The following RBM34 variants were observed in gnomAD, a reference collection of about 807,000 sequenced individuals.
RBM34 encodes RNA-binding protein 34.
A neutral mutation model predicts 44.6 loss-of-function variants in RBM34; 39 were observed. The ratio of observed to expected loss-of-function variants is 0.87; its 90% CI spans 0.68 to 1.14. The LOEUF (loss-of-function observed/expected upper bound fraction) is 1.14. Among genes scored for constraint, RBM34 ranks in the 50% most tolerant of loss-of-function variants. The probability of loss-of-function intolerance (pLI) is 0.00; values close to 1 mark genes in which losing one functional copy is unlikely to be tolerated. For missense variants in RBM34, 572 were observed against 517.9 expected (o/e 1.10, Z -1.01); for synonymous variants, 194 against 184.0 (o/e 1.05, Z -0.44).
chr1:235,136,878 C>T (rs1382686296), intron 8 of RBM34, among the ~76,000 whole-genome samples: 1 of 152,178 alleles, frequency 6.6e-6, no homozygotes, highest in East Asian at 1.9e-4. Flanking sequence ...AAGCTCTTGC[C>T]ATCTCCTGAG....
intron 8 of RBM34, among the ~76,000 whole-genome samples, chr1:235,136,821 T>C (rs1661451039): frequency 6.6e-6 from 1 of 152,238 alleles, no homozygotes; most frequent in South Asian, 2.1e-4. Context: ...TCTGCCTATT[T>C]GTCCAACAGC....
intron 5 of RBM34, among the ~76,000 whole-genome samples, chr1:235,148,848 T>C (rs1038676851): frequency 2.0e-5 from 3 of 151,908 alleles, no homozygotes; most frequent in Admixed American, 2.0e-4. Context: ...TCCGCCCACC[T>C]TGGCCTCCCA....
At chr1:235,146,401 T>A (rs899612213) in intron 6 of RBM34, among the ~76,000 whole-genome samples, 1 of 152,088 alleles carries the variant, frequency 6.6e-6, no homozygotes, top group Non-Finnish European at 1.5e-5. Flanking sequence ...CACACCAATA[T>A]AAACAGATCT....
intron 6 of RBM34, among the ~76,000 whole-genome samples, chr1:235,139,266 T>C (rs1173888341): frequency 6.6e-6 from 1 of 152,186 alleles, no homozygotes; most frequent in African/African-American, 2.4e-5. Context: ...AACTGGAAAA[T>C]AGTGCCTGAC....
chr1:235,154,440 T>A (rs1050755999), intron 4 of RBM34, among the ~76,000 whole-genome samples: 1 of 151,448 alleles, frequency 6.6e-6, no homozygotes, highest in Non-Finnish European at 1.5e-5. Flanking sequence ...GGCGTGCGCC[T>A]GTAGTCCCAG....
chr1:235,155,187 T>A, intron 3 of RBM34, 75 bp from the exon 4 acceptor site: 2 of 1,121,038 alleles, frequency 1.8e-6, no homozygotes, highest in Non-Finnish European at 2.6e-6. Context: ...AGCACAGCCC[T>A]ACCCTCCCGA....
chr1:235,158,503 C>CAGA (rs35973017), intron 3 of RBM34, among the ~76,000 whole-genome samples: 107,089 of 151,352 alleles, frequency 0.71, 38,709 homozygotes, highest in African/African-American at 0.83. Flanking sequence ...CCTAAAAAGG[C>CAGA]AGAACATATG....
rs1188473408 is a variant in RBM34, at chr1:235,135,239, TC to T, written c.1008+412del. The stretch of plus-strand genomic sequence containing the variant: ...TTTAAATTTTTTGTATTTTTTTTTT[TC>T]CCCCTTGAGATGGAGTCTTGCTCTG... On this transcript the variant is annotated intron_variant, in intron 10 of 10. Coordinates refer to ENST00000408888, the MANE Select transcript of RBM34 (RefSeq NM_015014.4). 5.0e-5 allele frequency among the ~76,000 whole-genome samples: 7 copies of T among 141,298 alleles called. 1 individual carries two copies. Among genetic ancestry groups the T allele is most frequent in the Non-Finnish European group, 9.3e-5 (6 of 64,240 alleles). 92.7% of individuals were successfully genotyped at this position (141,298 alleles called of 152,430 possible).
intron 4 of RBM34, among the ~76,000 whole-genome samples, 199 bp downstream of exon 4, chr1:235,154,682 T>C (rs1023819096): frequency 1.3e-5 from 2 of 152,168 alleles, no homozygotes; most frequent in African/African-American, 4.8e-5. Flanking sequence ...AATATTCAAA[T>C]ATAATCTGCA....
chr1:235,132,063 T>C, intron 10 of RBM34, 66 bp from the exon 11 acceptor site: 1 of 1,431,180 alleles, frequency 7.0e-7, no homozygotes, highest in African/African-American at 1.4e-5. Context: ...CTAGTGAAAG[T>C]GTCACTTTAA....
intron 3 of RBM34, among the ~76,000 whole-genome samples, chr1:235,159,298 T>C (rs1388862965): frequency 1.3e-5 from 2 of 151,366 alleles, no homozygotes; most frequent in Non-Finnish European, 2.9e-5. Context: ...ACGTATGTAA[T>C]CCCAGCACCT....
chr1:235,152,160 A>G (rs1199846214), intron 5 of RBM34, among the ~76,000 whole-genome samples: 3 of 152,196 alleles, frequency 2.0e-5, no homozygotes, highest in Admixed American at 6.6e-5. Flanking sequence ...AAAATCATGT[A>G]TGGGAAAACC....
intron 10 of RBM34, among the ~76,000 whole-genome samples, chr1:235,132,517 C>T (rs1270003908): frequency 2.0e-5 from 3 of 152,146 alleles, no homozygotes; most frequent in African/African-American, 7.2e-5. Context: ...CCACGTTAGC[C>T]AGAATGGTCT....
At chr1:235,141,787 C>T (rs941656474) in intron 6 of RBM34, among the ~76,000 whole-genome samples, 9 of 152,228 alleles carry the variant, frequency 5.9e-5, no homozygotes, top group Admixed American at 2.0e-4. Context: ...ACACTCACTG[C>T]GAAGGTCTGC....
intron 6 of RBM34, among the ~76,000 whole-genome samples, chr1:235,143,667 G>C (rs1225088198): frequency 6.6e-6 from 1 of 152,122 alleles, no homozygotes; most frequent in Non-Finnish European, 1.5e-5. Flanking sequence ...GAACCCGGGA[G>C]GTAGAGGTTG....
rs762689756 is a variant in RBM34, at chr1:235,148,428, A to G, written c.677T>C (p.Leu226Pro). 2.5e-6 allele frequency: 4 copies of G among 1,598,442 alleles called. No homozygotes were observed. The highest frequency in any genetic ancestry group is 2.6e-6 in the Non-Finnish European group (3 of 1,173,512). Reference sequence around the variant, plus strand: ...CTTTATTGCTGCCAACTTTTTGGATAGCGTTCCCTCTGCTGGAATCTTTCA... The same window carrying G: ...CTTTATTGCTGCCAACTTTTTGGATGGCGTTCCCTCTGCTGGAATCTTTCA... ...FRSLIPAEGT[L>P]SKKLAAIKRK... The change falls in exon 6 of 11, where the codon CTA (leucine) becomes CCA (proline). Residue 226 changes from leucine to proline, a missense_variant. Physicochemically the swap from Leu to Pro is moderately conservative, Grantham distance 98. Transcript: ENST00000408888.
chr1:235,149,133 A>T (rs572387387), intron 5 of RBM34, among the ~76,000 whole-genome samples: 103 of 151,930 alleles, frequency 6.8e-4, no homozygotes, highest in African/African-American at 2.4e-3. Flanking sequence ...TCACACCTGT[A>T]ATCCCAGCAC....
At chr1:235,160,796 C>T in intron 2 of RBM34, 97 bp downstream of exon 2, 1 of 1,534,210 alleles carries the variant, frequency 6.5e-7, no homozygotes, top group South Asian at 1.2e-5. Context: ...TCCTGTCTGC[C>T]CCCTTTAGAA....
intron 5 of RBM34, chr1:235,152,339 C>T: frequency 3.2e-6 from 1 of 307,876 alleles, no homozygotes. Flanking sequence ...CAATCATACC[C>T]ACCTCCCATA....
Sources: gnomAD v4.1 joint callset for allele counts (sites outside exome capture counted in the v4.1 genomes callset) on GRCh38, gnomAD v4.1.1 for gene constraint, MANE v1.5 for transcripts, NCBI Gene and HGNC (gene_info 2026-07-23, HGNC 2026-07-21) for gene names.